STT3B: variants seen among roughly 807,000 people sequenced by gnomAD.
The protein encoded by STT3B is STT3 oligosaccharyltransferase complex catalytic subunit B.
In STT3B, 29 loss-of-function variants were observed where a neutral mutation model predicts 96.8. The observed-to-expected ratio is 0.30, with a 90% CI of 0.22 to 0.41. The LOEUF (loss-of-function observed/expected upper bound fraction) is 0.41, where lower values mean the gene tolerates loss of function less well. Among genes scored for constraint, STT3B ranks in the 10% least tolerant of loss-of-function variants. The probability of loss-of-function intolerance (pLI) is 1.00; values close to 1 mark genes in which losing one functional copy is unlikely to be tolerated. For missense variants in STT3B, 640 were observed against 1,022.3 expected (o/e 0.63, Z 5.10); for synonymous variants, 367 against 360.0 (o/e 1.02, Z -0.22).
chr3:31,597,421 G>C (rs1253313639), intron 4 of STT3B, among the ~76,000 whole-genome samples: 3 of 151,808 alleles, frequency 2.0e-5, no homozygotes, highest in Non-Finnish European at 2.9e-5. Flanking sequence ...GCCTCCCAAA[G>C]TGCTGGGATT....
rs2125482555 is a variant in STT3B at position 31,636,157 on chromosome 3, A to G, written c.*93A>G. The G allele has an allele frequency of 1.1e-6, 1 of 949,408 alleles. No individual in the cohort carries two copies. The highest frequency in any genetic ancestry group is 1.5e-6 in the Non-Finnish European group (1 of 648,640). The allele number at this position is 949,408 out of a possible 1,614,324, so 58.8% of individuals were successfully genotyped here. A position where few individuals can be genotyped will look rare whatever the true frequency, so the allele number is the denominator to read the frequency against. ...TGTCGTGTTTCACAGCAAAGAGGGTACAGAACCATCACTGGTCCAGGTTAA... is the reference window on the plus strand; with the variant it reads ...TGTCGTGTTTCACAGCAAAGAGGGTGCAGAACCATCACTGGTCCAGGTTAA... On this transcript the variant is annotated 3_prime_UTR_variant, in exon 16 of 16. Transcript: ENST00000295770.
intron 3 of STT3B, among the ~76,000 whole-genome samples, chr3:31,583,266 T>C (rs1489801724): frequency 1.3e-5 from 2 of 152,202 alleles, no homozygotes; most frequent in Non-Finnish European, 2.9e-5. Context: ...TGAACTGTTT[T>C]ATTGCTGTAT....
intron 6 of STT3B, among the ~76,000 whole-genome samples, chr3:31,616,046 G>A (rs1465170040): frequency 6.6e-6 from 1 of 151,858 alleles, no homozygotes; most frequent in Non-Finnish European, 1.5e-5. Context: ...CAAGAGAAAA[G>A]CATAAATTTT....
intron 3 of STT3B, among the ~76,000 whole-genome samples, chr3:31,591,061 A>T (rs1382955160): frequency 6.6e-6 from 1 of 152,102 alleles, no homozygotes; most frequent in African/African-American, 2.4e-5. Flanking sequence ...TCTATCTTCA[A>T]CAATATGGTT....
intron 15 of STT3B, among the ~76,000 whole-genome samples, chr3:31,635,456 A>G (rs575225751): frequency 7.0e-4 from 106 of 152,268 alleles, no homozygotes; most frequent in African/African-American, 2.2e-3. Flanking sequence ...TACATTTTCA[A>G]TTGCTTATTT....
chr3:31,547,329 A>C (rs1394996552), intron 1 of STT3B, among the ~76,000 whole-genome samples: 1 of 152,220 alleles, frequency 6.6e-6, no homozygotes, highest in African/African-American at 2.4e-5. Context: ...GAGATTTATA[A>C]TTAATATTCA....
At chr3:31,628,288 C>T (rs1473620673) in intron 13 of STT3B, among the ~76,000 whole-genome samples, 1 of 152,086 alleles carries the variant, frequency 6.6e-6, no homozygotes, top group Non-Finnish European at 1.5e-5. Flanking sequence ...TAACTTCTAG[C>T]AAGTTATATA....
intron 1 of STT3B, among the ~76,000 whole-genome samples, chr3:31,560,769 C>T (rs541615433): frequency 6.6e-6 from 1 of 152,144 alleles, no homozygotes; most frequent in South Asian, 2.1e-4. Context: ...GATTTCTGAG[C>T]CTTGTGTCTC....
At position 31,533,028 on chromosome 3, in the gene STT3B, G is replaced by A. The variant is rs1451250053; in HGVS notation, c.30G>A (p.Lys10=). Residue 10 remains lysine, a synonymous_variant, in exon 1 of 16, where the codon AAG becomes AAA. Transcript: ENST00000295770. ...CGGAGCCCTCGGCCCCGGAGAGCAA[G>A]CACAAGTCGTCCCTCAACTCGTCCC... MAEPSAPES[K]HKSSLNSSPW... The A allele has an allele frequency of 6.3e-7, 1 of 1,588,710 alleles. No individual in the cohort carries two copies. The highest frequency in any genetic ancestry group is 8.6e-7 in the Non-Finnish European group (1 of 1,169,002).
chr3:31,598,598 G>A (rs567490466), intron 4 of STT3B, among the ~76,000 whole-genome samples: 1 of 152,262 alleles, frequency 6.6e-6, no homozygotes, highest in African/African-American at 2.4e-5. Context: ...ATAAATCCCT[G>A]TAGTTAAAGA....
intron 5 of STT3B, among the ~76,000 whole-genome samples, chr3:31,603,991 T>C (rs1483852733): frequency 3.3e-5 from 5 of 152,094 alleles, no homozygotes; most frequent in African/African-American, 9.7e-5. Flanking sequence ...TTTATAGAAA[T>C]AGGAATTGTA....
In STT3B at chr3:31,624,906, C is replaced by A; in HGVS notation, c.1728-8C>A. On this transcript the variant is annotated splice_region_variant and splice_polypyrimidine_tract_variant and intron_variant, in intron 11 of 15. Coordinates refer to ENST00000295770, the MANE Select transcript of STT3B (RefSeq NM_178862.3). Reference sequence around the variant, plus strand: ...TCTCATTTAAAAGAGTATTGTGATTCTTTTCAGCACCAGGAATATCTTAGA... The same window carrying A: ...TCTCATTTAAAAGAGTATTGTGATTATTTTCAGCACCAGGAATATCTTAGA... 1 of 1,605,424 alleles carries A rather than the reference C, an allele frequency of 6.2e-7. No individual in the cohort carries two copies. Among genetic ancestry groups the A allele is most frequent in the Non-Finnish European group, 8.5e-7 (1 of 1,174,944 alleles).
chr3:31,610,893 C>A lies in STT3B; in HGVS notation c.878-4212C>A, dbSNP rs187285766. On this transcript the variant is annotated intron_variant, in intron 5 of 15. Transcript: ENST00000295770. ...GTAATGAATGCCAGTAACTGTGCAT[C>A]CACAGGATGGCAGTGTGGTAACATT... 5.2e-3 allele frequency among the ~76,000 whole-genome samples: 785 copies of A among 152,282 alleles called. 8 individuals carry two copies. The highest frequency in any genetic ancestry group is 0.019 in the Admixed American group (284 of 15,296).
At chr3:31,546,626 G>T (rs1324684177) in intron 1 of STT3B, among the ~76,000 whole-genome samples, 1 of 152,146 alleles carries the variant, frequency 6.6e-6, no homozygotes, top group African/African-American at 2.4e-5. Flanking sequence ...ATTGTTTAAG[G>T]TCATCTTTGG....
At chr3:31,616,626 T>C (rs1362043465) in intron 6 of STT3B, among the ~76,000 whole-genome samples, 1 of 151,428 alleles carries the variant, frequency 6.6e-6, no homozygotes, top group African/African-American at 2.4e-5. Flanking sequence ...CCCTAAAATA[T>C]AGAGGAAAGG....
intron 1 of STT3B, among the ~76,000 whole-genome samples, chr3:31,545,679 C>T (rs1167397075): frequency 1.3e-5 from 2 of 152,034 alleles, no homozygotes; most frequent in Non-Finnish European, 2.9e-5. Flanking sequence ...TTTTGTTTAA[C>T]GTTTCCATTG....
At chr3:31,610,167 AGG>A in intron 5 of STT3B, among the ~76,000 whole-genome samples, 1 of 152,290 alleles carries the variant, frequency 6.6e-6, no homozygotes, top group Non-Finnish European at 1.5e-5. Context: ...CATATCTACC[AGG>A]GTTCACAGTA....
chr3:31,562,010 T>G (rs1697891371), intron 1 of STT3B, among the ~76,000 whole-genome samples: 1 of 152,152 alleles, frequency 6.6e-6, no homozygotes, highest in Non-Finnish European at 1.5e-5. Flanking sequence ...AACAGTCTTT[T>G]GGACCCAGTG....
intron 1 of STT3B, among the ~76,000 whole-genome samples, chr3:31,540,629 T>A (rs1436710384): frequency 6.6e-6 from 1 of 152,192 alleles, no homozygotes; most frequent in Non-Finnish European, 1.5e-5. Context: ...TTTGTTTCAC[T>A]TTCTGTCCCC....
Sources: gnomAD v4.1 joint callset for allele counts (sites outside exome capture counted in the v4.1 genomes callset) on GRCh38, gnomAD v4.1.1 for gene constraint, MANE v1.5 for transcripts, NCBI Gene and HGNC (gene_info 2026-07-23, HGNC 2026-07-21) for gene names.